The following ZFP1 variants were observed in gnomAD, a reference collection of about 807,000 sequenced individuals.
ZFP1 encodes zinc finger protein 1 homolog.
ZFP1 carries 32 observed loss-of-function variants against 38.5 expected under a neutral mutation model. The observed-to-expected ratio is 0.83, with a 90% CI of 0.63 to 1.12. The LOEUF (loss-of-function observed/expected upper bound fraction) is 1.12. Among genes scored for constraint, ZFP1 ranks in the 50% most tolerant of loss-of-function variants. The pLI is 0.00. For missense variants in ZFP1, 616 were observed against 480.8 expected (o/e 1.28, Z -2.63); for synonymous variants, 245 against 168.8 (o/e 1.45, Z -3.50).
At chr16:75,164,964 C>T (rs1422798383) in intron 2 of ZFP1, among the ~76,000 whole-genome samples, 5 of 152,096 alleles carry the variant, frequency 3.3e-5, no homozygotes, top group Non-Finnish European at 5.9e-5. Context: ...CACTACTATG[C>T]CCGGCTAATT....
chr16:75,164,796 TTA>T (rs1345050066), intron 2 of ZFP1, among the ~76,000 whole-genome samples: 1 of 130,872 alleles, frequency 7.6e-6, no homozygotes, highest in Non-Finnish European at 1.6e-5. Flanking sequence ...AACTCAGATT[TTA>T]GTTTCCATAA....
chr16:75,153,075 G>C, intron 2 of ZFP1, 109 bp downstream of exon 2: 1 of 1,433,550 alleles, frequency 7.0e-7, no homozygotes, highest in Non-Finnish European at 9.5e-7. Context: ...AGGAAACATA[G>C]CAAGAATAAC....
chr16:75,169,961 C>G lies in ZFP1; in HGVS notation c.851C>G (p.Thr284Ser). Residue 284 changes from threonine (T) to serine (S), a missense_variant, in exon 4 of 4, where the codon ACC becomes AGC. Coordinates refer to ENST00000570010, the MANE Select transcript of ZFP1 (RefSeq NM_153688.4). ...GKTFAQKFEL[T>S]THQRIHTGER... ...ACATTTGCCCAAAAGTTTGAACTCA[C>G]CACACACCAGAGAATTCATACAGGA... The G allele has an allele frequency of 1.2e-6, 2 of 1,614,100 alleles. No homozygotes were observed. The highest frequency in any genetic ancestry group is 2.2e-5 in the East Asian group (1 of 44,876).
the ZFP1 span, among the ~76,000 whole-genome samples, chr16:75,124,213 A>G: frequency 6.7e-6 from 1 of 149,622 alleles, no homozygotes; most frequent in Non-Finnish European, 1.5e-5. Flanking sequence ...CCCAGGCTGG[A>G]GTGCAGTGGT....
intron 1 of ZFP1, among the ~76,000 whole-genome samples, chr16:75,151,217 A>G (rs563012907): frequency 6.6e-6 from 1 of 150,732 alleles, no homozygotes; most frequent in African/African-American, 2.4e-5. Flanking sequence ...ACAACTGATC[A>G]TCCTTTTACT....
At chr16:75,125,266 A>T in the ZFP1 span, among the ~76,000 whole-genome samples, 12 of 151,788 alleles carry the variant, frequency 7.9e-5, no homozygotes, top group East Asian at 1.9e-4. Context: ...CTCGAAAAAA[A>T]TTTTTTTTTA....
rs368397130 is a variant in ZFP1, at chr16:75,163,054, C to T, written c.16-3716C>T. 1.5e-3 allele frequency among the ~76,000 whole-genome samples: 224 copies of T among 151,452 alleles called. 8 individuals are homozygous for T. In the South Asian group the frequency reaches 0.037, roughly 25 times the overall value. On this transcript the variant is annotated intron_variant, in intron 2 of 3. Coordinates refer to ENST00000570010, the MANE Select transcript of ZFP1 (RefSeq NM_153688.4). ...CCTCCCGAGTAGCTGGGATTACATG[C>T]GCCCACCACCACGTCCGGCTAATTT...
Position 75,172,030 on chromosome 16 carries a change from AAAC to A in ZFP1, c.*1699_*1701del, listed in dbSNP as rs1217972026. 1.3e-5 allele frequency: 2 copies of A among 152,234 alleles called. No individual in the cohort carries two copies. The highest frequency in any genetic ancestry group is 4.8e-5 in the African/African-American group (2 of 41,452). 9.4% of individuals were successfully genotyped at this position (152,234 alleles called of 1,614,324 possible). ...TTGTATTTTTTGGTAAGGACCAAAA[AAAC>A]AAACAAAAAAAAGACCATCAGTAAG... On this transcript the variant is annotated 3_prime_UTR_variant, in exon 4 of 4. Coordinates refer to ENST00000570010, the MANE Select transcript of ZFP1 (RefSeq NM_153688.4).
rs190059267 is a variant in ZFP1, at chr16:75,171,970, G to T, written c.*1636G>T. On this transcript the variant is annotated 3_prime_UTR_variant, in exon 4 of 4. Coordinates refer to ENST00000570010, the MANE Select transcript of ZFP1 (RefSeq NM_153688.4). ...AATCTATCCCTAAGGAATAAAAAGC[G>T]CCAGCACTTAAGATTATATGTTTAC... 1 of 152,112 alleles carries T rather than the reference G, an allele frequency of 6.6e-6. No homozygotes were observed. The highest frequency in any genetic ancestry group is 2.1e-4 in the South Asian group (1 of 4,828). 9.4% of individuals were successfully genotyped at this position (152,112 alleles called of 1,614,324 possible).
At chr16:75,167,584 G>C (rs1226412165) in intron 3 of ZFP1, among the ~76,000 whole-genome samples, 1 of 152,092 alleles carries the variant, frequency 6.6e-6, no homozygotes, top group African/African-American at 2.4e-5. Flanking sequence ...GAACCTATGA[G>C]TGGGCATGTG....
At chr16:75,150,480 A>G (rs541186936) in intron 1 of ZFP1, among the ~76,000 whole-genome samples, 1 of 152,326 alleles carries the variant, frequency 6.6e-6, no homozygotes, top group Non-Finnish European at 1.5e-5. Context: ...CGGCCTTGCA[A>G]AGTGCTGGGA....
At chr16:75,142,766 G>T in the ZFP1 span, among the ~76,000 whole-genome samples, 1 of 152,082 alleles carries the variant, frequency 6.6e-6, no homozygotes, top group Non-Finnish European at 1.5e-5. Flanking sequence ...GCAGTGGTGC[G>T]ATCTCAGCTC....
chr16:75,152,420 A>G (rs1274464793), intron 1 of ZFP1, among the ~76,000 whole-genome samples: 5 of 152,154 alleles, frequency 3.3e-5, no homozygotes, highest in African/African-American at 9.7e-5. Context: ...AGTTTGACCT[A>G]TCTTCAAGTT....
intron 2 of ZFP1, among the ~76,000 whole-genome samples, chr16:75,165,395 T>A (rs941605421): frequency 6.6e-6 from 1 of 152,176 alleles, no homozygotes; most frequent in African/African-American, 2.4e-5. Flanking sequence ...ACCTGTTTTT[T>A]CCTCTGGGTT....
chr16:75,132,248 G>T, the ZFP1 span, among the ~76,000 whole-genome samples: 24 of 152,134 alleles, frequency 1.6e-4, no homozygotes, highest in South Asian at 5.0e-3. Flanking sequence ...AATTAGCCAG[G>T]CATGGCGGCA....
At chr16:75,157,688 C>G (rs984990741) in intron 2 of ZFP1, among the ~76,000 whole-genome samples, 1 of 152,156 alleles carries the variant, frequency 6.6e-6, no homozygotes, top group Non-Finnish European at 1.5e-5. Flanking sequence ...ACATATGATT[C>G]TGTCTTCCTG....
chr16:75,154,573 G>GTTTTT (rs33986637), intron 2 of ZFP1, among the ~76,000 whole-genome samples: 1 of 111,246 alleles, frequency 9.0e-6, no homozygotes, highest in South Asian at 3.1e-4. Flanking sequence ...ATGAATGAGA[G>GTTTTT]TTTTTTTTTT....
At chr16:75,132,988 T>A in the ZFP1 span, among the ~76,000 whole-genome samples, 12 of 151,182 alleles carry the variant, frequency 7.9e-5, no homozygotes, top group Middle Eastern at 3.2e-3. Context: ...TTTAACTTTT[T>A]TTTTTTCAAG....
At chr16:75,147,337 G>A (rs573413259), upstream of ZFP1, among the ~76,000 whole-genome samples, 1 of 152,100 alleles carries the variant, frequency 6.6e-6, no homozygotes, top group African/African-American at 2.4e-5. Flanking sequence ...GAGTGCAGTG[G>A]CACAATCTTG....
Sources: gnomAD v4.1 joint callset for allele counts (sites outside exome capture counted in the v4.1 genomes callset) on GRCh38, gnomAD v4.1.1 for gene constraint, MANE v1.5 for transcripts, NCBI Gene and HGNC (gene_info 2026-07-23, HGNC 2026-07-21) for gene names.